MAP4K5: variants seen among roughly 807,000 people sequenced by gnomAD.
The protein encoded by MAP4K5 is MAPK/ERK kinase kinase kinase 5.
A neutral mutation model predicts 135.6 loss-of-function variants in MAP4K5; 82 were observed. The ratio of observed to expected loss-of-function variants is 0.60; its 90% CI spans 0.51 to 0.73. The LOEUF (loss-of-function observed/expected upper bound fraction) is 0.73, where lower values mean the gene tolerates loss of function less well. MAP4K5 is among the 30% of genes least tolerant of loss of function. MAP4K5 has a pLI of 0.00. For synonymous variants in MAP4K5, 347 were observed against 335.0 expected, an observed-to-expected ratio of 1.04 and a Z score of -0.39; for missense variants, 907 against 1,010.9, an observed-to-expected ratio of 0.90 and a Z score of 1.39.
At chr14:50,554,825 G>A (rs1465849883) in intron 1 of MAP4K5, among the ~76,000 whole-genome samples, 1 of 152,150 alleles carries the variant, frequency 6.6e-6, no homozygotes, top group Non-Finnish European at 1.5e-5. Flanking sequence ...GGACTCGTCT[G>A]AGTCATTCTT....
chr14:50,530,368 T>C (rs2038360563), intron 2 of MAP4K5, among the ~76,000 whole-genome samples: 1 of 152,168 alleles, frequency 6.6e-6, no homozygotes, highest in Non-Finnish European at 1.5e-5. Context: ...AGAAAAAGGG[T>C]GGAGGTCTTA....
chr14:50,496,815 A>AAAAAAT (rs529474394), intron 3 of MAP4K5, among the ~76,000 whole-genome samples: 2,128 of 151,700 alleles, frequency 0.014, 45 homozygotes, highest in African/African-American at 0.047. Context: ...TCCCAGACCA[A>AAAAAAT]AAAAATAAAA....
intron 2 of MAP4K5, among the ~76,000 whole-genome samples, chr14:50,528,880 T>C (rs2038324731): frequency 3.3e-5 from 5 of 152,184 alleles, no homozygotes; most frequent in Admixed American, 3.3e-4. Flanking sequence ...AAAATTACTC[T>C]AATTGCCCAG....
At chr14:50,463,779 G>A (rs973863988) in intron 12 of MAP4K5, among the ~76,000 whole-genome samples, 2 of 151,722 alleles carry the variant, frequency 1.3e-5, no homozygotes, top group Admixed American at 1.3e-4. Context: ...CAGCTACATG[G>A]GAGGCTAAGG....
intron 22 of MAP4K5, 124 bp from the exon 23 acceptor site, chr14:50,440,197 G>GA: frequency 1.7e-5 from 14 of 812,480 alleles, no homozygotes; most frequent in African/African-American, 3.6e-5. Context: ...AAACCCTTAA[G>GA]AAAAAAAATC....
At chr14:50,488,545 A>G (rs895632092) in intron 3 of MAP4K5, among the ~76,000 whole-genome samples, 1 of 152,202 alleles carries the variant, frequency 6.6e-6, no homozygotes. Flanking sequence ...TAACTTCTCA[A>G]TTGTGTGTAA....
At chr14:50,479,451 T>G (rs747439555) in intron 6 of MAP4K5, among the ~76,000 whole-genome samples, 6 of 147,848 alleles carry the variant, frequency 4.1e-5, no homozygotes, top group Non-Finnish European at 8.8e-5. Context: ...TAACATCCTT[T>G]GTTAATTCCT....
chr14:50,488,330 A>C (rs959898332), intron 3 of MAP4K5, among the ~76,000 whole-genome samples: 2 of 152,174 alleles, frequency 1.3e-5, no homozygotes, highest in East Asian at 3.8e-4. Flanking sequence ...CTCTCCTTTG[A>C]TGCCTGAGAA....
chr14:50,500,334 T>A (rs1012202566), intron 3 of MAP4K5, among the ~76,000 whole-genome samples: 15 of 152,140 alleles, frequency 9.9e-5, no homozygotes, highest in African/African-American at 3.6e-4. Context: ...TCCGAGGATA[T>A]GATATTTATT....
At chr14:50,479,435 GTTAA>G (rs1201386337) in intron 6 of MAP4K5, among the ~76,000 whole-genome samples, 1 of 151,802 alleles carries the variant, frequency 6.6e-6, no homozygotes, top group Non-Finnish European at 1.5e-5. Context: ...TCAGACACAT[GTTAA>G]TTAACATCCT....
At chr14:50,551,734 A>C (rs550632694) in intron 1 of MAP4K5, among the ~76,000 whole-genome samples, 1 of 152,326 alleles carries the variant, frequency 6.6e-6, no homozygotes, top group African/African-American at 2.4e-5. Context: ...GCAAATCAAT[A>C]AATGTAATAC....
intron 2 of MAP4K5, among the ~76,000 whole-genome samples, chr14:50,515,419 C>A (rs192745525): frequency 6.2e-4 from 94 of 152,274 alleles, no homozygotes; most frequent in African/African-American, 2.1e-3. Flanking sequence ...TCTCCCACCT[C>A]ATCAATTTGC....
At chr14:50,437,282 T>G (rs2036116092) in intron 26 of MAP4K5, among the ~76,000 whole-genome samples, 194 bp downstream of exon 26, 1 of 152,154 alleles carries the variant, frequency 6.6e-6, no homozygotes, top group Non-Finnish European at 1.5e-5. Context: ...GAGAAAACGC[T>G]AAGGTTATTA....
intron 3 of MAP4K5, among the ~76,000 whole-genome samples, chr14:50,493,908 A>T (rs532667430): frequency 6.6e-5 from 10 of 151,836 alleles, no homozygotes; most frequent in Admixed American, 6.6e-4. Flanking sequence ...GAATCACTTG[A>T]ATCCGGGAGG....
chr14:50,508,212 C>A (rs1261739592), intron 2 of MAP4K5, among the ~76,000 whole-genome samples: 1 of 152,102 alleles, frequency 6.6e-6, no homozygotes, highest in Non-Finnish European at 1.5e-5. Context: ...AGATTTTCCT[C>A]CATCCCTCCA....
chr14:50,423,037 G>A, intron 32 of MAP4K5, 84 bp downstream of exon 32: 1 of 600,492 alleles, frequency 1.7e-6, no homozygotes, highest in Non-Finnish European at 2.9e-6. Context: ...AGTTTTGTTT[G>A]AAACAATTAC....
chr14:50,497,037 C>T (rs940417939), intron 3 of MAP4K5, among the ~76,000 whole-genome samples: 2 of 151,976 alleles, frequency 1.3e-5, no homozygotes, highest in South Asian at 2.1e-4. Context: ...GTTATCAAAA[C>T]GAAAACTAAT....
chr14:50,448,676 G>A, intron 15 of MAP4K5, 98 bp downstream of exon 15: 5 of 642,196 alleles, frequency 7.8e-6, no homozygotes, highest in Non-Finnish European at 1.3e-5. Context: ...ATGCTTAAAA[G>A]AGTATATTAC....
chr14:50,511,408 G>A (rs2037926793), intron 2 of MAP4K5, among the ~76,000 whole-genome samples: 1 of 152,062 alleles, frequency 6.6e-6, no homozygotes, highest in Non-Finnish European at 1.5e-5. Flanking sequence ...GCTGAGAAGG[G>A]TAGGGGGAAG....
Sources: gnomAD v4.1 joint callset for allele counts (sites outside exome capture counted in the v4.1 genomes callset) on GRCh38, gnomAD v4.1.1 for gene constraint, MANE v1.5 for transcripts, NCBI Gene and HGNC (gene_info 2026-07-23, HGNC 2026-07-21) for gene names.